The following VAV3 variants were observed in gnomAD, a reference collection of about 807,000 sequenced individuals.
VAV3 encodes the protein guanine nucleotide exchange factor VAV3.
A neutral mutation model predicts 131.2 loss-of-function variants in VAV3; 94 were observed. That is an observed-to-expected ratio of 0.72 (90% confidence interval 0.61 to 0.85). The LOEUF (loss-of-function observed/expected upper bound fraction) is 0.85, where lower values mean the gene tolerates loss of function less well. VAV3 is among the 40% of genes least tolerant of loss of function. The pLI is 0.00. For synonymous variants in VAV3, 349 were observed against 342.0 expected (o/e 1.02, Z -0.22); for missense variants, 939 against 1,002.7 (o/e 0.94, Z 0.86).
chr1:107,689,643 T>C (rs983542877), intron 17 of VAV3, among the ~76,000 whole-genome samples: 8 of 152,302 alleles, frequency 5.3e-5, no homozygotes, highest in Middle Eastern at 3.4e-3. Flanking sequence ...CCCCATCACC[T>C]TGGCTTTCAC....
At chr1:107,684,597 A>T (rs934595169) in intron 18 of VAV3, among the ~76,000 whole-genome samples, 8 of 152,210 alleles carry the variant, frequency 5.3e-5, no homozygotes, top group Non-Finnish European at 1.0e-4. Context: ...AAATTGGAGA[A>T]ATTTTTAAAA....
At chr1:107,603,221 T>C in intron 22 of VAV3, 58 bp from the exon 23 acceptor site, 2 of 1,221,940 alleles carry the variant, frequency 1.6e-6, no homozygotes, top group East Asian at 2.3e-5. Context: ...GAACAGAGGC[T>C]AAAAGTAAGT....
At chr1:107,657,002 G>A (rs1656616526) in intron 19 of VAV3, among the ~76,000 whole-genome samples, 1 of 141,478 alleles carries the variant, frequency 7.1e-6, no homozygotes, top group Admixed American at 7.4e-5. Flanking sequence ...CACACAGGCT[G>A]GAGTGCAGTG....
chr1:107,622,548 G>T (rs935801595), intron 20 of VAV3, among the ~76,000 whole-genome samples: 1 of 152,260 alleles, frequency 6.6e-6, no homozygotes, highest in African/African-American at 2.4e-5. Context: ...TACCTGGATT[G>T]GAGCCTTAAT....
intron 17 of VAV3, among the ~76,000 whole-genome samples, chr1:107,693,011 A>T (rs1659522963): frequency 6.6e-6 from 1 of 152,146 alleles, no homozygotes. Context: ...GCAAATGTCC[A>T]TAAAGATTGC....
At chr1:107,812,346 C>G (rs6683374) in intron 2 of VAV3, among the ~76,000 whole-genome samples, 93,895 of 151,892 alleles carry the variant, frequency 0.62, 29,442 homozygotes, top group African/African-American at 0.68. Flanking sequence ...AAAAATATTA[C>G]GAAGAGTATC....
At chr1:107,877,811 G>A (rs954470733) in intron 1 of VAV3, among the ~76,000 whole-genome samples, 2 of 152,154 alleles carry the variant, frequency 1.3e-5, no homozygotes, top group Non-Finnish European at 2.9e-5. Flanking sequence ...TTTATCAGGA[G>A]ATTTTCCCAC....
At chr1:107,937,664 T>C (rs1195570380) in intron 1 of VAV3, among the ~76,000 whole-genome samples, 1 of 152,204 alleles carries the variant, frequency 6.6e-6, no homozygotes, top group African/African-American at 2.4e-5. Flanking sequence ...ATTACAGTCA[T>C]TACAGCCAAA....
intron 2 of VAV3, among the ~76,000 whole-genome samples, chr1:107,836,904 T>C (rs7549067): frequency 2.6e-5 from 4 of 151,950 alleles, no homozygotes; most frequent in Admixed American, 2.6e-4. Context: ...CATTCTGAAA[T>C]TGAATCAGTA....
At chr1:107,696,792 C>T (rs1267447727) in intron 17 of VAV3, among the ~76,000 whole-genome samples, 1 of 152,184 alleles carries the variant, frequency 6.6e-6, no homozygotes, top group East Asian at 1.9e-4. Context: ...ACACTCTTCT[C>T]CATGCAAAAG....
At chr1:107,578,794 A>C in intron 25 of VAV3, 1 of 985,142 alleles carries the variant, frequency 1.0e-6, no homozygotes, top group Non-Finnish European at 1.2e-6. Context: ...GGACTATTTT[A>C]TCCATAAAGA....
intron 17 of VAV3, among the ~76,000 whole-genome samples, chr1:107,692,213 A>C (rs1333858749): frequency 6.6e-6 from 1 of 152,202 alleles, no homozygotes; most frequent in Non-Finnish European, 1.5e-5. Flanking sequence ...CACTTTCACA[A>C]ATGCTATGTT....
intron 2 of VAV3, among the ~76,000 whole-genome samples, chr1:107,858,685 C>G (rs1042042899): frequency 6.6e-6 from 1 of 152,210 alleles, no homozygotes; most frequent in Non-Finnish European, 1.5e-5. Flanking sequence ...ACCCCCAAAC[C>G]ATTCCCCCAG....
intron 17 of VAV3, among the ~76,000 whole-genome samples, chr1:107,694,324 T>C (rs1659618183): frequency 6.6e-6 from 1 of 152,028 alleles, no homozygotes; most frequent in Admixed American, 6.6e-5. Context: ...GCAGAGGAAA[T>C]AGTAAGAGCC....
chr1:107,934,770 A>G (rs1312277618), intron 1 of VAV3, among the ~76,000 whole-genome samples: 4 of 152,254 alleles, frequency 2.6e-5, no homozygotes, highest in Non-Finnish European at 1.5e-5. Context: ...TCACATTCAG[A>G]AAATTTCAGA....
chr1:107,727,945 A>G lies in VAV3; in HGVS notation c.1502+21023T>C, dbSNP rs1457529235. The stretch of plus-strand genomic sequence containing the variant: ...TGTGCGACACATTAAACAATTAAAC[A>G]AGCAAGAAATTTAATTAAATTTCTA... On this transcript the variant is annotated intron_variant, in intron 15 of 26. Coordinates refer to ENST00000370056, the MANE Select transcript of VAV3 (RefSeq NM_006113.5). 3.3e-5 allele frequency among the ~76,000 whole-genome samples: 5 copies of G among 152,196 alleles called. No homozygotes were observed. The East Asian group carries it at 7.7e-4, about 23-fold the overall frequency.
At chr1:107,703,075 G>C (rs1245813698) in intron 17 of VAV3, among the ~76,000 whole-genome samples, 5 of 151,916 alleles carry the variant, frequency 3.3e-5, no homozygotes, top group African/African-American at 1.2e-4. Context: ...GCCAACTATG[G>C]GATCATTTTA....
At chr1:107,684,086 A>G (rs1029983736) in intron 18 of VAV3, among the ~76,000 whole-genome samples, 1 of 152,246 alleles carries the variant, frequency 6.6e-6, no homozygotes, top group Non-Finnish European at 1.5e-5. Flanking sequence ...CAAAACAGAC[A>G]TGCAGCTTGT....
intron 2 of VAV3, among the ~76,000 whole-genome samples, chr1:107,808,410 C>T (rs1301451529): frequency 2.0e-5 from 3 of 152,074 alleles, no homozygotes; most frequent in African/African-American, 7.2e-5. Flanking sequence ...TTTCAAATTG[C>T]TTTTCAAACT....
Sources: allele counts gnomAD v4.1 joint callset (sites outside exome capture counted in the v4.1 genomes callset), GRCh38; gene constraint gnomAD v4.1.1; transcripts MANE v1.5; gene names NCBI Gene and HGNC (gene_info 2026-07-23, HGNC 2026-07-21).